The following WWOX variants were observed in gnomAD, a reference collection of about 807,000 sequenced individuals.
WWOX encodes WW domain containing oxidoreductase.
In WWOX, 69 loss-of-function variants were observed where a neutral mutation model predicts 46.2. That is an observed-to-expected ratio of 1.49 (90% CI 1.23 to 1.82). The LOEUF (loss-of-function observed/expected upper bound fraction) is 1.82. Among genes scored for constraint, WWOX ranks in the 40% most tolerant of loss-of-function variants. The pLI is 0.00. For missense variants in WWOX, 919 were observed against 542.6 expected (o/e 1.69, Z -6.89); for synonymous variants, 359 against 202.6 (o/e 1.77, Z -6.56).
intron 8 of WWOX, among the ~76,000 whole-genome samples, chr16:79,010,150 A>G (rs1026433939): frequency 1.3e-5 from 2 of 152,198 alleles, no homozygotes; most frequent in African/African-American, 4.8e-5. Context: ...TTTAAAAATA[A>G]TCCACCCATG....
At chr16:78,150,204 G>T (rs1456207679) in intron 4 of WWOX, among the ~76,000 whole-genome samples, 1 of 152,122 alleles carries the variant, frequency 6.6e-6, no homozygotes, top group Non-Finnish European at 1.5e-5. Flanking sequence ...ATTTACTTAT[G>T]TTTACCTGTT....
chr16:78,221,737 G>C (rs914931001), intron 5 of WWOX, among the ~76,000 whole-genome samples: 13 of 152,298 alleles, frequency 8.5e-5, no homozygotes, highest in African/African-American at 3.1e-4. Context: ...GGAGTGATGT[G>C]TGATTATTAC....
At position 78,495,420 on chromosome 16, in the gene WWOX, C is replaced by T. The variant is rs549034268; in HGVS notation, c.1056+62668C>T. 9.9e-5 allele frequency among the ~76,000 whole-genome samples: 15 copies of T among 151,232 alleles called. No individual in the cohort carries two copies. The South Asian group carries it at 2.7e-3, about 27-fold the overall frequency. ...CCTCCCAAAGTGCTGGGATTACAGGCGTGAGCCACTGCACCTGGCCAGTAG... is the reference window on the plus strand; with the variant it reads ...CCTCCCAAAGTGCTGGGATTACAGGTGTGAGCCACTGCACCTGGCCAGTAG... On this transcript the variant is annotated intron_variant, in intron 8 of 8. Transcript: ENST00000566780.
intron 8 of WWOX, among the ~76,000 whole-genome samples, chr16:78,714,317 A>G (rs1210452332): frequency 6.6e-6 from 1 of 152,120 alleles, no homozygotes; most frequent in African/African-American, 2.4e-5. Context: ...AAGGAGGAGC[A>G]AAGGGGCGTC....
At chr16:78,880,140 T>C (rs1282312601) in intron 8 of WWOX, among the ~76,000 whole-genome samples, 1 of 152,214 alleles carries the variant, frequency 6.6e-6, no homozygotes, top group African/African-American at 2.4e-5. Context: ...ATTTGGTGGT[T>C]TATTTCAGAG....
chr16:78,411,484 G>A (rs988813876), intron 6 of WWOX, among the ~76,000 whole-genome samples: 1 of 152,142 alleles, frequency 6.6e-6, no homozygotes, highest in Non-Finnish European at 1.5e-5. Context: ...CAAGTGAGGG[G>A]CGTACTCATC....
chr16:78,269,387 C>T (rs910578382), intron 5 of WWOX, among the ~76,000 whole-genome samples: 2 of 152,170 alleles, frequency 1.3e-5, no homozygotes, highest in Non-Finnish European at 2.9e-5. Context: ...CCATGTTAGT[C>T]CCTGCTCTGT....
At chr16:78,315,709 T>C (rs1346094069) in intron 5 of WWOX, among the ~76,000 whole-genome samples, 1 of 152,190 alleles carries the variant, frequency 6.6e-6, no homozygotes, top group Non-Finnish European at 1.5e-5. Context: ...TCATTTCTTG[T>C]GCGCTAATGC....
At chr16:79,028,195 TG>T (rs2047683817) in intron 8 of WWOX, among the ~76,000 whole-genome samples, 1 of 151,224 alleles carries the variant, frequency 6.6e-6, no homozygotes, top group Non-Finnish European at 1.5e-5. Context: ...ATGATCCACC[TG>T]CCTTGGCCTC....
Position 78,343,271 on chromosome 16 carries a change from A to G in WWOX, c.517-43589A>G, listed in dbSNP as rs1364577030. On this transcript the variant is annotated intron_variant, in intron 5 of 8. Coordinates refer to ENST00000566780, the MANE Select transcript of WWOX (RefSeq NM_016373.4). ...TGCTGTTGAAAGTTGCCTGTCACCC[A>G]TGATGCTGTGCTGATTGAGCAAACT... 2.5e-5 allele frequency among the ~76,000 whole-genome samples: 3 copies of G among 120,008 alleles called. 1 individual carries two copies. Among genetic ancestry groups the G allele is most frequent in the African/African-American group, 8.5e-5 (3 of 35,274 alleles). 78.7% of individuals were successfully genotyped at this position (120,008 alleles called of 152,430 possible).
At chr16:79,109,373 T>A (rs2049373052) in intron 8 of WWOX, among the ~76,000 whole-genome samples, 1 of 152,084 alleles carries the variant, frequency 6.6e-6, no homozygotes. Flanking sequence ...TAAGCTGAAA[T>A]AAGAATGTCT....
At chr16:78,775,020 G>A (rs1019096999) in intron 8 of WWOX, among the ~76,000 whole-genome samples, 1 of 152,150 alleles carries the variant, frequency 6.6e-6, no homozygotes, top group Admixed American at 6.5e-5. Context: ...TTGGGCAGAT[G>A]GCGAGAGACA....
intron 8 of WWOX, among the ~76,000 whole-genome samples, chr16:79,185,557 G>C (rs2050996627): frequency 6.6e-6 from 1 of 152,162 alleles, no homozygotes; most frequent in African/African-American, 2.4e-5. Flanking sequence ...AGAACGGATT[G>C]AGAGCTCGCC....
intron 8 of WWOX, among the ~76,000 whole-genome samples, chr16:78,585,162 T>C (rs1403990198): frequency 6.6e-6 from 1 of 152,198 alleles, no homozygotes; most frequent in Non-Finnish European, 1.5e-5. Context: ...AAGGCTGTGG[T>C]TCTGACCACC....
At chr16:78,241,322 C>G (rs928226795) in intron 5 of WWOX, 3 of 152,386 alleles carry the variant, frequency 2.0e-5, no homozygotes, top group Admixed American at 6.6e-5. Flanking sequence ...CTTTCTCTCC[C>G]TCCTTGGTCT....
At chr16:78,332,772 C>G (rs1870475057) in intron 5 of WWOX, among the ~76,000 whole-genome samples, 1 of 151,976 alleles carries the variant, frequency 6.6e-6, no homozygotes, top group African/African-American at 2.4e-5. Flanking sequence ...AGTGTGCATT[C>G]AGAACTTTAC....
intron 5 of WWOX, among the ~76,000 whole-genome samples, chr16:78,386,201 G>T (rs1040332216): frequency 1.3e-5 from 2 of 152,174 alleles, no homozygotes; most frequent in Non-Finnish European, 2.9e-5. Context: ...CCTTGAGTGA[G>T]ATGGTATGCA....
chr16:79,005,915 C>T (rs938886103), intron 8 of WWOX, among the ~76,000 whole-genome samples: 2 of 152,152 alleles, frequency 1.3e-5, no homozygotes, highest in African/African-American at 4.8e-5. Flanking sequence ...AGAAGGCAGC[C>T]CTGGTCCCTG....
At chr16:78,596,916 T>C (rs2045504630) in intron 8 of WWOX, among the ~76,000 whole-genome samples, 1 of 152,146 alleles carries the variant, frequency 6.6e-6, no homozygotes, top group African/African-American at 2.4e-5. Flanking sequence ...CCCCACACTC[T>C]CTTGATGCTA....
Sources: allele counts gnomAD v4.1 joint callset (sites outside exome capture counted in the v4.1 genomes callset), GRCh38; gene constraint gnomAD v4.1.1; transcripts MANE v1.5; gene names NCBI Gene and HGNC (gene_info 2026-07-23, HGNC 2026-07-21).